Variants in SNX19 observed in about 807,000 individuals in gnomAD.
SNX19 encodes sorting nexin 19, also known as sorting nexin-19.
SNX19 carries 60 observed loss-of-function variants against 85.2 expected under a neutral mutation model. The ratio of observed to expected loss-of-function variants is 0.70; its 90% confidence interval spans 0.57 to 0.87. The LOEUF (loss-of-function observed/expected upper bound fraction) is 0.87. Ranked by LOEUF, SNX19 falls within the 40% of genes least tolerant of loss-of-function variation. The probability of loss-of-function intolerance (pLI) is 0.00; values close to 1 mark genes in which losing one functional copy is unlikely to be tolerated. For synonymous variants in SNX19, 520 were observed against 470.0 expected (o/e 1.11, Z -1.38); for missense variants, 1,201 against 1,217.8 (o/e 0.99, Z 0.21).
chr11:130,909,908 C>T (rs1559671), intron 4 of SNX19, 110 bp downstream of exon 4: 268,967 of 1,413,728 alleles, frequency 0.19, 26,992 homozygotes, highest in Middle Eastern at 0.21. Context: ...CTCTGTGCTG[C>T]CCCTTCCCAC....
intron 10 of SNX19, among the ~76,000 whole-genome samples, 155 bp from the exon 11 acceptor site, chr11:130,878,709 T>C (rs1296819097): frequency 6.6e-6 from 1 of 152,190 alleles, no homozygotes; most frequent in Non-Finnish European, 1.5e-5. Flanking sequence ...TTTGAACTAA[T>C]AAAGCCTCTG....
intron 4 of SNX19, among the ~76,000 whole-genome samples, chr11:130,909,408 CA>C (rs1159727533): frequency 1.3e-5 from 2 of 152,218 alleles, no homozygotes; most frequent in Non-Finnish European, 2.9e-5. Context: ...ATAAAACACA[CA>C]TCACTTTTGA....
chr11:130,874,083 T>C lies in SNX19; in HGVS notation c.*4339A>G, dbSNP rs530490234. On this transcript the variant is annotated 3_prime_UTR_variant, in exon 11 of 11. Coordinates refer to ENST00000265909, the MANE Select transcript of SNX19 (RefSeq NM_014758.3). ...GTCACTTAAGGCTAGAATGCAGTGGTGTGATCGTAGCTCACTGCAGCCTCA... is the reference window on the plus strand; with the variant it reads ...GTCACTTAAGGCTAGAATGCAGTGGCGTGATCGTAGCTCACTGCAGCCTCA... Among the ~76,000 whole-genome samples, 1 of 152,026 alleles carries C rather than the reference T, an allele frequency of 6.6e-6. No individual in the cohort carries two copies. The highest frequency in any genetic ancestry group is 2.1e-4 in the South Asian group (1 of 4,820).
Position 130,872,795 on chromosome 11 carries a change from C to T in SNX19, c.*5627G>A, listed in dbSNP as rs1943079597. 6.6e-6 allele frequency among the ~76,000 whole-genome samples: 1 copy of T among 152,192 alleles called. No individual in the cohort carries two copies. The highest frequency in any genetic ancestry group is 1.5e-5 in the Non-Finnish European group (1 of 68,034). On this transcript the variant is annotated 3_prime_UTR_variant, in exon 11 of 11. Coordinates refer to ENST00000265909, the MANE Select transcript of SNX19 (RefSeq NM_014758.3). ...TTTCCCTTCCTCCCCAGTTACCATT[C>T]TTTCCCTGGTTCCCATCCCCTTCCA...
chr11:130,878,663 T>A (rs1260875213), intron 10 of SNX19, 109 bp from the exon 11 acceptor site: 1 of 1,298,702 alleles, frequency 7.7e-7, no homozygotes, highest in East Asian at 2.4e-5. Flanking sequence ...TAAACTTCAA[T>A]AGCTTGATGA....
At chr11:130,893,868 C>A (rs937668206) in intron 8 of SNX19, 4 of 699,866 alleles carry the variant, frequency 5.7e-6, no homozygotes, top group Non-Finnish European at 7.8e-6. Context: ...ATATTTCCCA[C>A]CAATTTACCC....
At chr11:130,908,121 T>C in intron 4 of SNX19, 38 bp from the exon 5 acceptor site, 1 of 1,607,204 alleles carries the variant, frequency 6.2e-7, no homozygotes, top group Middle Eastern at 1.7e-4. Context: ...TCCATCCACA[T>C]CCACAGATGG....
intron 10 of SNX19, among the ~76,000 whole-genome samples, chr11:130,879,249 C>T (rs373953021): frequency 1.8e-3 from 270 of 152,286 alleles, no homozygotes; most frequent in African/African-American, 5.9e-3. Context: ...GGCCAGGGTA[C>T]GCTCTTGGAG....
chr11:130,901,842 A>T (rs1426761349), intron 8 of SNX19: 2 of 152,160 alleles, frequency 1.3e-5, no homozygotes, highest in African/African-American at 4.8e-5. Context: ...AGAACCCTAG[A>T]ACTCTAGGAA....
intron 7 of SNX19, 58 bp downstream of exon 7, chr11:130,905,895 A>C: frequency 1.9e-6 from 3 of 1,613,710 alleles, no homozygotes; most frequent in Non-Finnish European, 2.5e-6. Context: ...TACCCCAAGT[A>C]CCAAGTGGAT....
chr11:130,893,851 C>T (rs1351700765), intron 8 of SNX19: 2 of 701,888 alleles, frequency 2.8e-6, no homozygotes, highest in Non-Finnish European at 5.2e-6. Flanking sequence ...TATATTAGAG[C>T]TAAAGTATAT....
At chr11:130,883,416 G>C (rs1255114660) in intron 8 of SNX19, among the ~76,000 whole-genome samples, 1 of 152,072 alleles carries the variant, frequency 6.6e-6, no homozygotes, top group Non-Finnish European at 1.5e-5. Context: ...AGGAGGCCCT[G>C]GAAAAAGTCA....
rs112968700 is a variant in SNX19, at chr11:130,878,958, C to A, written c.2847-404G>T. 5.3e-3 allele frequency among the ~76,000 whole-genome samples: 806 copies of A among 152,244 alleles called. 3 individuals are homozygous for A. Among genetic ancestry groups the A allele is most frequent in the African/African-American group, 0.018 (763 of 41,532 alleles). ...ACAGGCAGTGAGGTAAAGCCAGGATCCTTGAGGAAGTTAACGAACACAGTC... is the reference window on the plus strand; with the variant it reads ...ACAGGCAGTGAGGTAAAGCCAGGATACTTGAGGAAGTTAACGAACACAGTC... On this transcript the variant is annotated intron_variant, in intron 10 of 10. Coordinates refer to ENST00000265909, the MANE Select transcript of SNX19 (RefSeq NM_014758.3).
In SNX19 at chr11:130,877,505, C is replaced by CTCTT; in HGVS notation, c.*913_*916dup. On this transcript the variant is annotated 3_prime_UTR_variant, in exon 11 of 11. Coordinates refer to ENST00000265909, the MANE Select transcript of SNX19 (RefSeq NM_014758.3). ...TCATCCCCCAGCCTTGCTAGTCCTA[C>CTCTT]TCTTTGTGCATTCTTAAGACAGGAG... 6.6e-6 allele frequency: 1 copy of CTCTT among 152,314 alleles called. No individual in the cohort carries two copies. Among genetic ancestry groups the CTCTT allele is most frequent in the Non-Finnish European group, 1.5e-5 (1 of 68,054 alleles). 9.4% of individuals were successfully genotyped at this position (152,314 alleles called of 1,614,324 possible).
rs777208529 is a variant in SNX19, at chr11:130,903,351, T to C, written c.2477A>G (p.Asp826Gly). 2 of 1,613,108 alleles carry C rather than the reference T, an allele frequency of 1.2e-6. No individual in the cohort carries two copies. The highest frequency in any genetic ancestry group is 2.2e-5 in the East Asian group (1 of 44,858). The change falls in exon 8 of 11, where the codon GAT becomes GGT. Residue 826 changes from aspartate to glycine, a missense_variant. Coordinates refer to ENST00000265909, the MANE Select transcript of SNX19 (RefSeq NM_014758.3). ...TETELADTAL[D>G]LLLLLLTEQW... is the part of the protein sequence containing the mutation. ...TTCTGTTAGTAGCAAGAGGAGCAGATCCAGGGCTGTGTCAGCTAACTCTGT... is the reference window on the plus strand; with the variant it reads ...TTCTGTTAGTAGCAAGAGGAGCAGACCCAGGGCTGTGTCAGCTAACTCTGT...
intron 8 of SNX19, among the ~76,000 whole-genome samples, chr11:130,888,351 G>A (rs970699408): frequency 6.6e-6 from 1 of 152,052 alleles, no homozygotes; most frequent in Non-Finnish European, 1.5e-5. Context: ...TCTATTACTA[G>A]AAATTTCCCT....
Position 130,872,457 on chromosome 11 carries a change from T to C in SNX19, c.*5965A>G, listed in dbSNP as rs1943063713. On this transcript the variant is annotated 3_prime_UTR_variant, in exon 11 of 11. Transcript: ENST00000265909. ...AATTAAAACATTCTTCTGGATTTCC[T>C]TTTTTTTTTTCTCTCTTAAACCAGT... Among the ~76,000 whole-genome samples the C allele has an allele frequency of 6.8e-6, 1 of 147,016 alleles. No individual in the cohort carries two copies.
intron 7 of SNX19, among the ~76,000 whole-genome samples, chr11:130,903,710 T>TAC (rs1169329974): frequency 9.4e-4 from 93 of 98,982 alleles, no homozygotes; most frequent in African/African-American, 3.2e-3. Context: ...TATATATATA[T>TAC]ACACATACAC....
At chr11:130,888,121 C>T (rs1944219679) in intron 8 of SNX19, among the ~76,000 whole-genome samples, 1 of 151,830 alleles carries the variant, frequency 6.6e-6, no homozygotes, top group Non-Finnish European at 1.5e-5. Context: ...AAATCGTGTG[C>T]CCCTCTGTTA....
Sources: allele counts gnomAD v4.1 joint callset (sites outside exome capture counted in the v4.1 genomes callset), GRCh38; gene constraint gnomAD v4.1.1; transcripts MANE v1.5; gene names NCBI Gene and HGNC (gene_info 2026-07-23, HGNC 2026-07-21).